The following CNGA3 variants were observed in gnomAD, a reference collection of about 807,000 sequenced individuals.
The protein encoded by CNGA3 is cyclic nucleotide-gated channel alpha-3.
CNGA3 carries 42 observed loss-of-function variants against 46.6 expected under a neutral mutation model. That is an observed-to-expected ratio of 0.90 (90% CI 0.70 to 1.17). CNGA3 has a LOEUF of 1.17. CNGA3 is among the 50% of genes most tolerant of loss of function. CNGA3 has a pLI of 0.00. For missense variants in CNGA3, 893 were observed against 890.7 expected, an observed-to-expected ratio of 1.00 and a Z score of -0.03; for synonymous variants, 394 against 369.4, an observed-to-expected ratio of 1.07 and a Z score of -0.76.
chr2:98,396,727 G>A lies in CNGA3; in HGVS notation c.1557G>A (p.Met519Ile), dbSNP rs199655686. The A allele has an allele frequency of 5.3e-5, 86 of 1,614,194 alleles. No individual in the cohort carries two copies. The highest frequency in any genetic ancestry group is 7.2e-5 in the Non-Finnish European group (85 of 1,180,036). The change falls in exon 8 of 8, where the codon ATG (methionine) becomes ATA (isoleucine). Residue 519 changes from methionine to isoleucine, a missense_variant. Coordinates refer to ENST00000272602, the MANE Select transcript of CNGA3 (RefSeq NM_001298.3). ...AGAAGGGAGATATTGGGAAGGAGAT[G>A]TACATCATCAACGAGGGCAAGCTGG... ...ICKKGDIGKE[M>I]YIINEGKLAV...
intron 5 of CNGA3, 24 bp from the exon 6 acceptor site, chr2:98,389,634 G>C: frequency 6.2e-7 from 1 of 1,600,958 alleles, no homozygotes. Context: ...ACAGTGCGCT[G>C]TTTGTGTATG....
At position 98,397,792 on chromosome 2, in the gene CNGA3, C is replaced by T. The variant is rs576980067; in HGVS notation, c.*537C>T. Reference sequence around the variant, plus strand: ...TGTGTTCTTTGGGGCCCTAGAAACCCTGGCTTTTGGGAGTGCTATGGCAAG... The same window carrying T: ...TGTGTTCTTTGGGGCCCTAGAAACCTTGGCTTTTGGGAGTGCTATGGCAAG... On this transcript the variant is annotated 3_prime_UTR_variant, in exon 8 of 8. Transcript: ENST00000272602. The T allele has an allele frequency of 1.9e-5, 3 of 161,758 alleles. No individual in the cohort carries two copies. Among genetic ancestry groups the T allele is most frequent in the African/African-American group, 7.2e-5 (3 of 41,574 alleles). 10.0% of individuals were successfully genotyped at this position (161,758 alleles called of 1,614,324 possible).
At chr2:98,372,081 C>T (rs1156890486) in intron 2 of CNGA3, among the ~76,000 whole-genome samples, 1 of 152,232 alleles carries the variant, frequency 6.6e-6, no homozygotes, top group Non-Finnish European at 1.5e-5. Context: ...AGTCCGGCTC[C>T]TTCCGGTGAG....
chr2:98,359,141 G>T (rs1348024751), intron 1 of CNGA3, among the ~76,000 whole-genome samples: 15 of 152,244 alleles, frequency 9.9e-5, no homozygotes, highest in Non-Finnish European at 1.5e-5. Flanking sequence ...GCAACCAGGG[G>T]TTCTCCAAGG....
At chr2:98,385,858 A>T (rs1692642822) in intron 5 of CNGA3, among the ~76,000 whole-genome samples, 1 of 152,118 alleles carries the variant, frequency 6.6e-6, no homozygotes. Flanking sequence ...CAGGAGCAGG[A>T]GGAAGGTGGG....
chr2:98,353,316 G>C (rs1401877428), intron 1 of CNGA3, among the ~76,000 whole-genome samples: 1 of 152,098 alleles, frequency 6.6e-6, no homozygotes, highest in African/African-American at 2.4e-5. Flanking sequence ...ACATTTTATA[G>C]TTCTTTTTCT....
intron 1 of CNGA3, among the ~76,000 whole-genome samples, chr2:98,369,480 A>T (rs1692236589): frequency 6.6e-6 from 1 of 152,240 alleles, no homozygotes; most frequent in Non-Finnish European, 1.5e-5. Context: ...TGAATGTCAC[A>T]TATGGTCCTT....
At chr2:98,371,480 C>G (rs1197856459) in intron 2 of CNGA3, among the ~76,000 whole-genome samples, 1 of 152,168 alleles carries the variant, frequency 6.6e-6, no homozygotes, top group Non-Finnish European at 1.5e-5. Context: ...ATGGCAAACC[C>G]ACACAGCCCT....
chr2:98,367,896 G>C (rs905431101), intron 1 of CNGA3, among the ~76,000 whole-genome samples: 2 of 152,158 alleles, frequency 1.3e-5, no homozygotes, highest in African/African-American at 4.8e-5. Context: ...AGAGTGGCCT[G>C]TACACACCTG....
At position 98,395,997 on chromosome 2, in the gene CNGA3, A is replaced by G. The variant is rs199474697; in HGVS notation, c.827A>G (p.Asn276Ser). ...VGTNYPEVRFNRLLKFSRLFE... is the reference protein window; with the variant it reads ...VGTNYPEVRFSRLLKFSRLFE... The stretch of plus-strand genomic sequence containing the variant: ...ACAAACTACCCAGAAGTGAGGTTCA[A>G]CCGCCTACTGAAGTTTTCCCGGCTC... Residue 276 changes from asparagine (N) to serine (S), a missense_variant, in exon 8 of 8, where the codon AAC (asparagine) becomes AGC (serine). Asn to Ser is a conservative substitution (Grantham distance 46). Transcript: ENST00000272602. 2 of 1,614,228 alleles carry G rather than the reference A, an allele frequency of 1.2e-6. No individual in the cohort carries two copies. Among genetic ancestry groups the G allele is most frequent in the South Asian group, 2.2e-5 (2 of 91,084 alleles).
intron 1 of CNGA3, among the ~76,000 whole-genome samples, chr2:98,348,848 C>T (rs899583217): frequency 1.3e-5 from 2 of 152,188 alleles, no homozygotes; most frequent in African/African-American, 4.8e-5. Context: ...GTGCAACCTA[C>T]CAGGTGGCCT....
At chr2:98,377,568 G>A (rs1393936273) in intron 2 of CNGA3, 119 bp from the exon 3 acceptor site, 7 of 923,220 alleles carry the variant, frequency 7.6e-6, no homozygotes, top group East Asian at 2.6e-5. Flanking sequence ...CCTGGGATGA[G>A]GATCTGTGAG....
intron 1 of CNGA3, chr2:98,356,069 G>A (rs908940237): frequency 2.6e-5 from 4 of 152,190 alleles, no homozygotes. Flanking sequence ...AAGTGCTTCA[G>A]CACTGGAGAA....
In CNGA3 at chr2:98,396,571, G is replaced by C; in HGVS notation, c.1401G>C (p.Glu467Asp). 6.2e-7 allele frequency: 1 copy of C among 1,614,010 alleles called. No individual in the cohort carries two copies. Among genetic ancestry groups the C allele is most frequent in the Non-Finnish European group, 8.5e-7 (1 of 1,179,964 alleles). The change falls in exon 8 of 8, where the codon GAG becomes GAC. Residue 467 changes from glutamate (E) to aspartate (D), a missense_variant. Coordinates refer to ENST00000272602, the MANE Select transcript of CNGA3 (RefSeq NM_001298.3). ...LKSLPDKLKA[E>D]IAINVHLDTL... ...GCCTCCCAGACAAGCTGAAGGCTGA[G>C]ATCGCCATCAACGTGCACCTGGACA...
At chr2:98,361,862 CA>C (rs1692041689) in intron 1 of CNGA3, among the ~76,000 whole-genome samples, 1 of 151,954 alleles carries the variant, frequency 6.6e-6, no homozygotes, top group African/African-American at 2.4e-5. Flanking sequence ...CGCCCGCCAC[CA>C]CCCCCAGAGA....
At chr2:98,357,793 T>C (rs891570143) in intron 1 of CNGA3, among the ~76,000 whole-genome samples, 1 of 152,216 alleles carries the variant, frequency 6.6e-6, no homozygotes, top group African/African-American at 2.4e-5. Context: ...ACTCCTAGAC[T>C]CACGCCTGGG....
At chr2:98,353,630 T>C (rs893428446) in intron 1 of CNGA3, among the ~76,000 whole-genome samples, 1 of 152,164 alleles carries the variant, frequency 6.6e-6, no homozygotes, top group African/African-American at 2.4e-5. Flanking sequence ...GTAATTGTGG[T>C]TTTTGCCATT....
intron 5 of CNGA3, among the ~76,000 whole-genome samples, chr2:98,383,854 A>G (rs981077060): frequency 6.6e-6 from 1 of 152,018 alleles, no homozygotes; most frequent in African/African-American, 2.4e-5. Context: ...GTGCCAGTGA[A>G]ATGCCCTTGT....
Position 98,396,162 on chromosome 2 carries a change from G to A in CNGA3, c.992G>A (p.Gly331Glu), listed in dbSNP as rs1311451829. Reference sequence around the variant, plus strand: ...GCCATTTCCAAGTTCATTGGTTTTGGGACAGACTCCTGGGTCTACCCAAAC... The same window carrying A: ...GCCATTTCCAAGTTCATTGGTTTTGAGACAGACTCCTGGGTCTACCCAAAC... ...YFAISKFIGF[G>E]TDSWVYPNIS... is the part of the protein sequence containing the mutation. Residue 331 changes from glycine (G) to glutamate (E), a missense_variant, in exon 8 of 8, where the codon GGG (glycine) becomes GAG (glutamate). This residue lies in a region of CNGA3 where 548 missense variants were observed against 570.8 expected (regional missense o/e 0.96). Coordinates refer to ENST00000272602, the MANE Select transcript of CNGA3 (RefSeq NM_001298.3). 6 of 1,614,134 alleles carry A rather than the reference G, an allele frequency of 3.7e-6. No individual in the cohort carries two copies. The highest frequency in any genetic ancestry group is 5.1e-6 in the Non-Finnish European group (6 of 1,180,044).
Sources: allele counts gnomAD v4.1 joint callset (sites outside exome capture counted in the v4.1 genomes callset), GRCh38; gene constraint gnomAD v4.1.1; regional missense constraint gnomAD v4.1.1; transcripts MANE v1.5; gene names NCBI Gene and HGNC (gene_info 2026-07-23, HGNC 2026-07-21).